TET3: variants seen among roughly 807,000 people sequenced by gnomAD.
TET3 encodes tet methylcytosine dioxygenase 3.
In TET3, 19 loss-of-function variants were observed where a neutral mutation model predicts 141.4. That is an observed-to-expected ratio of 0.13 (90% confidence interval 0.09 to 0.20). The LOEUF is 0.20. TET3 is among the 10% of genes least tolerant of loss of function. The pLI, the probability that TET3 is intolerant of heterozygous loss-of-function variation, is 1.00. For missense variants in TET3, 1,874 were observed against 2,356.9 expected (o/e 0.80, Z 4.24); for synonymous variants, 1,043 against 980.9 (o/e 1.06, Z -1.18).
chr2:74,021,661 C>G (rs530218801), intron 3 of TET3, among the ~76,000 whole-genome samples: 14 of 152,336 alleles, frequency 9.2e-5, no homozygotes, highest in Non-Finnish European at 1.5e-4. Context: ...AGAATCCCTT[C>G]CATGGTCAGG....
intron 3 of TET3, among the ~76,000 whole-genome samples, chr2:74,021,385 AC>A (rs1686035842): frequency 6.6e-6 from 1 of 152,234 alleles, no homozygotes; most frequent in Non-Finnish European, 1.5e-5. Flanking sequence ...GCTTTAGCCC[AC>A]CCGTTGGACA....
At chr2:74,064,638 A>G (rs1228564658) in intron 4 of TET3, among the ~76,000 whole-genome samples, 6 of 152,112 alleles carry the variant, frequency 3.9e-5, no homozygotes, top group African/African-American at 2.4e-5. Flanking sequence ...GGCTCAAGCA[A>G]TCTGCCCACC....
Position 74,071,595 on chromosome 2 carries a change from A to G in TET3, c.2495-1954A>G, listed in dbSNP as rs190521818. On this transcript the variant is annotated intron_variant, in intron 4 of 11. Coordinates refer to ENST00000409262, the MANE Select transcript of TET3 (RefSeq NM_001287491.2). Reference sequence around the variant, plus strand: ...AATTATGGTATATTTAAAATGAAGAAATTAACGTTGGTACAATACTGTTAA... The same window carrying G: ...AATTATGGTATATTTAAAATGAAGAGATTAACGTTGGTACAATACTGTTAA... Among the ~76,000 whole-genome samples, 343 of 152,338 alleles carry G rather than the reference A, an allele frequency of 2.3e-3. 3 individuals are homozygous for G. Among genetic ancestry groups the G allele is most frequent in the Middle Eastern group, 0.014 (4 of 292 alleles).
At position 74,106,150 on chromosome 2, in the gene TET3, A is replaced by C. The variant is rs1042174839; in HGVS notation, c.*3974A>C. The C allele has an allele frequency of 6.6e-6, 1 of 151,612 alleles. No homozygotes were observed. Among genetic ancestry groups the C allele is most frequent in the Admixed American group, 6.6e-5 (1 of 15,210 alleles). The allele number at this position is 151,612 out of a possible 1,614,324, so 9.4% of individuals were successfully genotyped here. The stretch of plus-strand genomic sequence containing the variant: ...TCTTAGACCCGTTTACCGTGCTATA[A>C]TCTGCTCTGAGCAGTGTTGTGTTGT... On this transcript the variant is annotated 3_prime_UTR_variant, in exon 12 of 12. Transcript: ENST00000409262.
chr2:74,092,304 GAAA>G (rs367675940), intron 8 of TET3, among the ~76,000 whole-genome samples: 1 of 146,750 alleles, frequency 6.8e-6, no homozygotes, highest in East Asian at 2.0e-4. Context: ...CTGTCTCAAA[GAAA>G]AAAAAAAATT....
chr2:74,133,229 C>T, the TET3 span, among the ~76,000 whole-genome samples: 3 of 152,144 alleles, frequency 2.0e-5, no homozygotes, highest in East Asian at 5.8e-4. Context: ...TTTGGCTCTT[C>T]AACCCGTCTG....
intron 3 of TET3, among the ~76,000 whole-genome samples, chr2:74,044,727 G>A (rs866236461): frequency 3.9e-5 from 6 of 152,176 alleles, no homozygotes; most frequent in East Asian, 1.9e-4. Flanking sequence ...AACGCCTGTC[G>A]CAAAGTCAGA....
At chr2:74,111,614 G>C (rs901497371), downstream of TET3, among the ~76,000 whole-genome samples, 7 of 152,308 alleles carry the variant, frequency 4.6e-5, no homozygotes, top group South Asian at 1.0e-3. Flanking sequence ...CCCTGATATG[G>C]ACAGAGGCAT....
chr2:74,062,028 G>A (rs1476713651), intron 4 of TET3, among the ~76,000 whole-genome samples: 3 of 152,198 alleles, frequency 2.0e-5, no homozygotes, highest in African/African-American at 4.8e-5. Context: ...TGGCGGCCGG[G>A]CAGAGGCTGC....
At chr2:74,048,464 AGC>A in intron 4 of TET3, 53 bp downstream of exon 4, 1 of 1,519,322 alleles carries the variant, frequency 6.6e-7, no homozygotes, top group African/African-American at 1.4e-5. Context: ...TGGCCTGGTG[AGC>A]TAGGATTTCT....
Position 74,089,814 on chromosome 2 carries a change from A to G in TET3, c.2889-83A>G, listed in dbSNP as rs1025227495. On this transcript the variant is annotated intron_variant, in intron 7 of 11. Transcript: ENST00000409262. ...AGGCTGGTGGGTGCCAGGGCTCAGC[A>G]GGGCCACCCCTTGAGGGAGGAGGAA... 7 of 1,545,070 alleles carry G rather than the reference A, an allele frequency of 4.5e-6. No homozygotes were observed. The Admixed American group carries it at 7.1e-5, about 16-fold the overall frequency.
chr2:74,120,094 CCTTCT>C, the TET3 span, among the ~76,000 whole-genome samples: 4 of 152,336 alleles, frequency 2.6e-5, no homozygotes, highest in East Asian at 1.9e-4. Context: ...AGGCCGCCTC[CCTTCT>C]CTTAAGAGCC....
chr2:74,127,330 T>C, the TET3 span, among the ~76,000 whole-genome samples: 1 of 152,248 alleles, frequency 6.6e-6, no homozygotes, highest in Non-Finnish European at 1.5e-5. Flanking sequence ...CTTTTAAGTT[T>C]GTAATTAAAA....
rs1186159694 is a variant in TET3, at chr2:74,089,880, T to C, written c.2889-17T>C. 3 of 1,613,782 alleles carry C rather than the reference T, an allele frequency of 1.9e-6. No homozygotes were observed. The African/African-American group carries it at 4.0e-5, about 22-fold the overall frequency. On this transcript the variant is annotated splice_polypyrimidine_tract_variant and intron_variant, in intron 7 of 11. Coordinates refer to ENST00000409262, the MANE Select transcript of TET3 (RefSeq NM_001287491.2). ...GGATATTGCATCTATATCCCTGACC[T>C]GTGCTGTGTGTTGCAGCCGGACCTG...
chr2:74,091,775 C>T (rs1690509859), intron 8 of TET3, among the ~76,000 whole-genome samples: 1 of 152,208 alleles, frequency 6.6e-6, no homozygotes, highest in Non-Finnish European at 1.5e-5. Context: ...CTCGTGGTGT[C>T]CTAGGAGCCC....
chr2:74,061,981 C>T (rs1472327098), intron 4 of TET3, among the ~76,000 whole-genome samples: 19 of 152,044 alleles, frequency 1.2e-4, no homozygotes, highest in Non-Finnish European at 2.4e-4. Flanking sequence ...AGACAATGGG[C>T]GACCAGGCAG....
chr2:74,009,606 A>T (rs1016953763), intron 3 of TET3, among the ~76,000 whole-genome samples: 2 of 152,134 alleles, frequency 1.3e-5, no homozygotes, highest in Non-Finnish European at 2.9e-5. Context: ...TATTTTTCCT[A>T]GCACTGTGGA....
At chr2:74,061,574 G>A (rs1319695742) in intron 4 of TET3, among the ~76,000 whole-genome samples, 1 of 147,744 alleles carries the variant, frequency 6.8e-6, no homozygotes, top group African/African-American at 2.5e-5. Context: ...TCCCGGACGG[G>A]GCGGCTGGCC....
chr2:74,106,996 CTCAG>C lies in TET3; in HGVS notation c.*4824_*4827del, dbSNP rs2104279539. 6.6e-6 allele frequency: 1 copy of C among 152,374 alleles called. No homozygotes were observed. The highest frequency in any genetic ancestry group is 2.4e-5 in the African/African-American group (1 of 41,590). 9.4% of individuals were successfully genotyped at this position (152,374 alleles called of 1,614,324 possible). On this transcript the variant is annotated 3_prime_UTR_variant, in exon 12 of 12. Transcript: ENST00000409262. ...TCCTATGCCCATCTCATTGAGCTTT[CTCAG>C]TCATTGTTGCTGTCATTTGAAATGA...
Sources: gnomAD v4.1 joint callset for allele counts (sites outside exome capture counted in the v4.1 genomes callset) on GRCh38, gnomAD v4.1.1 for gene constraint, MANE v1.5 for transcripts, NCBI Gene and HGNC (gene_info 2026-07-23, HGNC 2026-07-21) for gene names.